ABCB4: variants seen among roughly 807,000 people sequenced by gnomAD.
ABCB4 encodes the protein ATP binding cassette subfamily B member 4.
In ABCB4, 76 loss-of-function variants were observed where a neutral mutation model predicts 145.7. The ratio of observed to expected loss-of-function variants is 0.52; its 90% CI spans 0.43 to 0.63. The LOEUF (loss-of-function observed/expected upper bound fraction) is 0.63, where lower values mean the gene tolerates loss of function less well. Among genes scored for constraint, ABCB4 ranks in the 30% least tolerant of loss-of-function variants. The pLI is 0.00. For missense variants in ABCB4, 1,234 were observed against 1,553.1 expected (o/e 0.79, Z 3.45); for synonymous variants, 517 against 566.8 (o/e 0.91, Z 1.25).
the ABCB4 span, among the ~76,000 whole-genome samples, chr7:87,365,961 G>A: frequency 6.6e-6 from 1 of 152,010 alleles, no homozygotes; most frequent in Admixed American, 6.6e-5. Flanking sequence ...GACTAATTCA[G>A]TCATACCTTT....
chr7:87,468,872 A>G (rs533243572), intron 3 of ABCB4, among the ~76,000 whole-genome samples: 3 of 151,630 alleles, frequency 2.0e-5, no homozygotes, highest in African/African-American at 7.3e-5. Flanking sequence ...CGCAGCTTGC[A>G]GTGAGCCCAG....
At position 87,417,604 on chromosome 7, in the gene ABCB4, G is replaced by A. The variant is rs45545640; in HGVS notation, c.2479-89C>T. 2.9e-4 allele frequency: 305 copies of A among 1,058,576 alleles called. 2 individuals are homozygous for A. In the East Asian group the frequency reaches 6.5e-3, roughly 22 times the overall value. 65.6% of individuals were successfully genotyped at this position (1,058,576 alleles called of 1,614,324 possible). On this transcript the variant is annotated intron_variant, in intron 20 of 27. Transcript: ENST00000649586. ...AGCCTCTTGGTCAGAATGATGAGTG[G>A]GTTCTATGCCTGAGCTACATTGGCT...
chr7:87,475,882 G>A (rs1240094961), upstream of ABCB4: 1 of 152,498 alleles, frequency 6.6e-6, no homozygotes, highest in African/African-American at 2.4e-5. Context: ...TCTTGCCGCC[G>A]GGGCGCCCGG....
intron 4 of ABCB4, among the ~76,000 whole-genome samples, chr7:87,456,903 G>C (rs1413390626): frequency 6.6e-6 from 1 of 151,912 alleles, no homozygotes; most frequent in African/African-American, 2.4e-5. Context: ...GAAAAGTCAT[G>C]GCCTGCTAGA....
intron 2 of ABCB4, among the ~76,000 whole-genome samples, chr7:87,474,749 A>G (rs973740824): frequency 6.6e-6 from 1 of 152,210 alleles, no homozygotes; most frequent in Non-Finnish European, 1.5e-5. Context: ...TGAGTTTAAC[A>G]AGGGCCAGGG....
At chr7:87,392,357 T>C in the ABCB4 span, among the ~76,000 whole-genome samples, 9 of 152,268 alleles carry the variant, frequency 5.9e-5, no homozygotes, top group African/African-American at 2.2e-4. Flanking sequence ...TAGTTTCCTA[T>C]TCCAGGAAAG....
intron 4 of ABCB4, among the ~76,000 whole-genome samples, chr7:87,460,985 C>T (rs45605032): frequency 0.23 from 34,823 of 151,362 alleles, 5,329 homozygotes; most frequent in African/African-American, 0.44. Flanking sequence ...TTTCTTGAGA[C>T]GGAGTTTTGC....
At chr7:87,396,492 G>A in the ABCB4 span, among the ~76,000 whole-genome samples, 1 of 152,102 alleles carries the variant, frequency 6.6e-6, no homozygotes, top group African/African-American at 2.4e-5. Flanking sequence ...TATGATAGGA[G>A]CATTGAAACT....
intron 9 of ABCB4, among the ~76,000 whole-genome samples, chr7:87,445,222 T>A (rs998380338): frequency 2.6e-5 from 4 of 152,142 alleles, no homozygotes; most frequent in Non-Finnish European, 4.4e-5. Flanking sequence ...TCAAACCTAT[T>A]TCATTGACTC....
In ABCB4 at chr7:87,406,206, C is replaced by A. The variant is rs1054039889; in HGVS notation, c.3486+82G>T. On this transcript the variant is annotated intron_variant, in intron 26 of 27. Transcript: ENST00000649586. ...GTTAGTAAATCAACATATTTTGTTACAAGATTTTGTTGGCATAACTTTGGT... is the reference window on the plus strand; with the variant it reads ...GTTAGTAAATCAACATATTTTGTTAAAAGATTTTGTTGGCATAACTTTGGT... 7 of 1,406,772 alleles carry A rather than the reference C, an allele frequency of 5.0e-6. 1 individual carries two copies. Among genetic ancestry groups the A allele is most frequent in the Non-Finnish European group, 7.1e-6 (7 of 992,868 alleles). 87.1% of individuals were successfully genotyped at this position (1,406,772 alleles called of 1,614,324 possible).
Position 87,406,320 on chromosome 7 carries a change from T to A in ABCB4, c.3454A>T (p.Asn1152Tyr). 1 of 1,614,208 alleles carries A rather than the reference T, an allele frequency of 6.2e-7. No individual in the cohort carries two copies. The highest frequency in any genetic ancestry group is 1.1e-5 in the South Asian group (1 of 91,078). Residue 1152 changes from asparagine to tyrosine, a missense_variant, in exon 26 of 28, where the codon AAC becomes TAC. Physicochemically the swap from Asn to Tyr is moderately radical, Grantham distance 143 (BLOSUM62 -2). Around this residue, in one of 7 missense-constraint regions of ABCB4, gnomAD observed 301 missense variants for 389.0 expected, o/e 0.77. Transcript: ENST00000649586. ...DEIVSAAKAA[N>Y]IHPFIETLPH... Reference sequence around the variant, plus strand: ...AACGTCTCGATGAAAGGATGTATGTTGGCAGCTTTGGCTGCACTCACAATT... The same window carrying A: ...AACGTCTCGATGAAAGGATGTATGTAGGCAGCTTTGGCTGCACTCACAATT...
At chr7:87,468,194 T>C in intron 3 of ABCB4, among the ~76,000 whole-genome samples, 1 of 151,882 alleles carries the variant, frequency 6.6e-6, no homozygotes, top group South Asian at 2.1e-4. Context: ...ATAGACGCAA[T>C]AAAAAATGAT....
In ABCB4 at chr7:87,411,941, C is replaced by A; in HGVS notation, c.2876G>T (p.Gly959Val). The change falls in exon 23 of 28, where the codon GGT (glycine) becomes GTT (valine). Residue 959 changes from glycine (G) to valine (V), a missense_variant. Gly to Val is a moderately radical substitution (Grantham distance 109, BLOSUM62 -3). Coordinates refer to ENST00000649586, the MANE Select transcript of ABCB4 (RefSeq NM_000443.4). Reference sequence around the variant, plus strand: ...ATGTCCATTCACAATGAGATATGCACCAAATCGAAAACAACCGGCATAGGA... The same window carrying A: ...ATGTCCATTCACAATGAGATATGCAACAAATCGAAAACAACCGGCATAGGA... ...YFSYAGCFRF[G>V]AYLIVNGHMR... is the part of the protein sequence containing the mutation. The A allele has an allele frequency of 6.2e-7, 1 of 1,613,850 alleles. No homozygotes were observed. The highest frequency in any genetic ancestry group is 8.5e-7 in the Non-Finnish European group (1 of 1,179,824).
At chr7:87,418,065 C>A (rs904701118) in intron 20 of ABCB4, among the ~76,000 whole-genome samples, 9 of 152,220 alleles carry the variant, frequency 5.9e-5, no homozygotes, top group Admixed American at 3.9e-4. Flanking sequence ...CAGTGAGCTG[C>A]AAAGTAACCC....
At chr7:87,397,416 G>A (rs973941519), downstream of ABCB4, among the ~76,000 whole-genome samples, 1 of 151,912 alleles carries the variant, frequency 6.6e-6, no homozygotes, top group Non-Finnish European at 1.5e-5. Flanking sequence ...GTTTACCTAT[G>A]AAGTAAAACA....
At chr7:87,384,887 G>C in the ABCB4 span, among the ~76,000 whole-genome samples, 2 of 152,108 alleles carry the variant, frequency 1.3e-5, no homozygotes, top group African/African-American at 2.4e-5. Flanking sequence ...TTTGAATTTT[G>C]TACACGGTAA....
At chr7:87,463,639 T>A (rs1812618405) in intron 3 of ABCB4, among the ~76,000 whole-genome samples, 2 of 152,158 alleles carry the variant, frequency 1.3e-5, no homozygotes, top group Admixed American at 1.3e-4. Flanking sequence ...CTACATGGAA[T>A]GCTTAAGTAA....
At chr7:87,385,041 A>G in the ABCB4 span, among the ~76,000 whole-genome samples, 2 of 151,508 alleles carry the variant, frequency 1.3e-5, no homozygotes, top group African/African-American at 4.9e-5. Context: ...ATTCTGTTCC[A>G]TTGGTCTGTA....
chr7:87,420,802 C>A (rs1391160994), intron 18 of ABCB4, among the ~76,000 whole-genome samples: 1 of 152,104 alleles, frequency 6.6e-6, no homozygotes, highest in Non-Finnish European at 1.5e-5. Context: ...GGCTTCTAAA[C>A]CATTCTAAAT....
Sources: allele counts gnomAD v4.1 joint callset (sites outside exome capture counted in the v4.1 genomes callset), GRCh38; gene constraint gnomAD v4.1.1; regional missense constraint gnomAD v4.1.1; transcripts MANE v1.5; gene names NCBI Gene and HGNC (gene_info 2026-07-23, HGNC 2026-07-21).